Variants in UNC13C observed in about 807,000 individuals in gnomAD.
UNC13C encodes unc-13 homolog C, also known as protein unc-13 homolog C.
UNC13C carries 174 observed loss-of-function variants against 245.4 expected under a neutral mutation model. The ratio of observed to expected loss-of-function variants is 0.71; its 90% CI spans 0.63 to 0.80. The LOEUF (loss-of-function observed/expected upper bound fraction) is 0.80. UNC13C is among the 30% of genes least tolerant of loss of function. The pLI, the probability that UNC13C is intolerant of heterozygous loss-of-function variation, is 0.00. For missense variants in UNC13C, 2,829 were observed against 2,602.9 expected (o/e 1.09, Z -1.89); for synonymous variants, 992 against 895.1 (o/e 1.11, Z -1.93).
upstream of UNC13C, among the ~76,000 whole-genome samples, chr15:53,978,433 C>T (rs926834785): frequency 6.6e-6 from 1 of 152,160 alleles, no homozygotes; most frequent in Non-Finnish European, 1.5e-5. Context: ...AGTGCCGGTG[C>T]TGCATTCAGA....
chr15:54,094,940 G>A (rs540137572), intron 2 of UNC13C, among the ~76,000 whole-genome samples: 124 of 152,222 alleles, frequency 8.1e-4, no homozygotes, highest in African/African-American at 2.8e-3. Flanking sequence ...TATCCCTGAG[G>A]TATCTATCCT....
intron 22 of UNC13C, among the ~76,000 whole-genome samples, chr15:54,504,189 A>C (rs537873055): frequency 5.3e-5 from 8 of 152,294 alleles, no homozygotes; most frequent in African/African-American, 1.9e-4. Context: ...ATATTGCCTA[A>C]AAACAAATAA....
intron 18 of UNC13C, among the ~76,000 whole-genome samples, chr15:54,394,433 A>C (rs2040028819): frequency 6.6e-6 from 1 of 151,804 alleles, no homozygotes; most frequent in Non-Finnish European, 1.5e-5. Context: ...TGTTAGGACT[A>C]GAAGATCTTC....
chr15:54,000,244 G>C (rs1371604319), intron 1 of UNC13C, among the ~76,000 whole-genome samples: 1 of 152,062 alleles, frequency 6.6e-6, no homozygotes, highest in Admixed American at 6.6e-5. Context: ...ATAATAAAAA[G>C]AGTCAATTTC....
intron 18 of UNC13C, among the ~76,000 whole-genome samples, chr15:54,411,870 T>C (rs1321342034): frequency 1.3e-5 from 2 of 152,184 alleles, no homozygotes; most frequent in African/African-American, 4.8e-5. Flanking sequence ...ATTGAATCTA[T>C]GAATCAATTT....
At chr15:54,335,023 C>A (rs1709007072) in intron 16 of UNC13C, among the ~76,000 whole-genome samples, 2 of 152,124 alleles carry the variant, frequency 1.3e-5, no homozygotes, top group South Asian at 4.1e-4. Flanking sequence ...TCCTCAAGCT[C>A]CAATCACATA....
At chr15:54,390,904 A>G (rs1283811288) in intron 17 of UNC13C, among the ~76,000 whole-genome samples, 5 of 140,680 alleles carry the variant, frequency 3.6e-5, no homozygotes, top group African/African-American at 1.3e-4. Context: ...CTGGTTTATG[A>G]TAGTATTGTG....
chr15:54,084,397 G>A (rs192645318), intron 2 of UNC13C, among the ~76,000 whole-genome samples: 3 of 152,180 alleles, frequency 2.0e-5, no homozygotes, highest in Non-Finnish European at 4.4e-5. Flanking sequence ...CAGAAATAAT[G>A]GTCGTGAAGA....
At chr15:54,523,770 C>T (rs1326333973) in intron 24 of UNC13C, among the ~76,000 whole-genome samples, 1 of 152,160 alleles carries the variant, frequency 6.6e-6, no homozygotes, top group Non-Finnish European at 1.5e-5. Context: ...GAAGGAAATA[C>T]TGCTTTCAGA....
At chr15:54,518,333 A>C (rs1895070133) in intron 24 of UNC13C, among the ~76,000 whole-genome samples, 1 of 152,102 alleles carries the variant, frequency 6.6e-6, no homozygotes, top group African/African-American at 2.4e-5. Context: ...CAGGCAGGTG[A>C]CGCTTGTTAA....
intron 2 of UNC13C, among the ~76,000 whole-genome samples, chr15:54,079,823 C>G: frequency 6.6e-6 from 1 of 151,914 alleles, no homozygotes; most frequent in East Asian, 1.9e-4. Flanking sequence ...CTTAATTATT[C>G]TGGCTAGGAC....
At chr15:54,394,593 C>T (rs1316610950) in intron 18 of UNC13C, among the ~76,000 whole-genome samples, 3 of 151,692 alleles carry the variant, frequency 2.0e-5, no homozygotes, top group Non-Finnish European at 4.4e-5. Context: ...ATTGGGAGAC[C>T]GACAACTTGT....
At chr15:53,956,936 G>T in the UNC13C span, among the ~76,000 whole-genome samples, 2 of 144,770 alleles carry the variant, frequency 1.4e-5, no homozygotes, top group Admixed American at 6.9e-5. Flanking sequence ...GTAAAACATG[G>T]CAGCTCTGCA....
At chr15:53,946,653 G>C in the UNC13C span, among the ~76,000 whole-genome samples, 461 of 150,734 alleles carry the variant, frequency 3.1e-3, no homozygotes, top group Non-Finnish European at 5.2e-3. Context: ...CCTGGGAGGG[G>C]GAGGTTGCAG....
chr15:53,891,838 T>C, the UNC13C span, among the ~76,000 whole-genome samples: 2 of 152,222 alleles, frequency 1.3e-5, no homozygotes, highest in African/African-American at 2.4e-5. Flanking sequence ...TGTCTTTTAA[T>C]TGGGGCATTT....
chr15:53,904,189 G>A, the UNC13C span, among the ~76,000 whole-genome samples: 1 of 152,128 alleles, frequency 6.6e-6, no homozygotes, highest in African/African-American at 2.4e-5. Context: ...TGCTGAGATG[G>A]TAGACTCTCT....
At chr15:54,568,885 T>A (rs1429559925) in intron 30 of UNC13C, among the ~76,000 whole-genome samples, 3 of 152,128 alleles carry the variant, frequency 2.0e-5, no homozygotes, top group Non-Finnish European at 4.4e-5. Flanking sequence ...GTAGGTAGTC[T>A]GCCTATAACA....
Position 54,552,545 on chromosome 15 carries a change from T to A in UNC13C, c.5877+2854T>A, listed in dbSNP as rs1161293055. Among the ~76,000 whole-genome samples the A allele has an allele frequency of 2.6e-4, 21 of 81,546 alleles. 2 individuals are homozygous for A. Among genetic ancestry groups the A allele is most frequent in the African/African-American group, 8.5e-4 (16 of 18,814 alleles). 53.5% of individuals were successfully genotyped at this position (81,546 alleles called of 152,430 possible). A position where few individuals can be genotyped will look rare whatever the true frequency, so the allele number is the denominator to read the frequency against. On this transcript the variant is annotated intron_variant, in intron 28 of 32. Coordinates refer to ENST00000260323, the MANE Select transcript of UNC13C (RefSeq NM_001080534.3). ...TATATATAATAATATAATTATATATTATATTGTATATAATTATATATTATA... is the reference window on the plus strand; with the variant it reads ...TATATATAATAATATAATTATATATAATATTGTATATAATTATATATTATA...
intron 18 of UNC13C, among the ~76,000 whole-genome samples, chr15:54,410,312 T>C (rs1467068360): frequency 6.6e-6 from 1 of 152,216 alleles, no homozygotes; most frequent in Non-Finnish European, 1.5e-5. Context: ...TTTCTCCCAT[T>C]CTGAAGTTTG....
Sources: allele counts gnomAD v4.1 joint callset (sites outside exome capture counted in the v4.1 genomes callset), GRCh38; gene constraint gnomAD v4.1.1; transcripts MANE v1.5; gene names NCBI Gene and HGNC (gene_info 2026-07-23, HGNC 2026-07-21).